SVOPL: variants seen among roughly 807,000 people sequenced by gnomAD.
SVOPL encodes the protein putative transporter SVOPL.
In SVOPL, 60 loss-of-function variants were observed where a neutral mutation model predicts 61.0. The observed-to-expected ratio is 0.98, with a 90% confidence interval of 0.80 to 1.22. SVOPL has a LOEUF of 1.22. Among genes scored for constraint, SVOPL ranks in the 50% most tolerant of loss-of-function variants. The pLI is 0.00. For synonymous variants in SVOPL, 279 were observed against 250.0 expected, an observed-to-expected ratio of 1.12 and a Z score of -1.09; for missense variants, 662 against 643.9, an observed-to-expected ratio of 1.03 and a Z score of -0.30.
At chr7:138,611,919 G>A (rs1219990333) in intron 14 of SVOPL, among the ~76,000 whole-genome samples, 11 of 17,276 alleles carry the variant, frequency 6.4e-4, no homozygotes, top group East Asian at 2.6e-3. Context: ...TTGAGAACGG[G>A]CCAGGATGAC....
intron 13 of SVOPL, among the ~76,000 whole-genome samples, chr7:138,621,424 G>T (rs1456748159): frequency 6.6e-6 from 1 of 152,194 alleles, no homozygotes; most frequent in Non-Finnish European, 1.5e-5. Context: ...TCTGGAATCA[G>T]AGAGAAGAGT....
At chr7:138,662,861 A>T in intron 5 of SVOPL, 2 of 1,418,100 alleles carry the variant, frequency 1.4e-6, no homozygotes, top group Non-Finnish European at 1.8e-6. Context: ...TTTACTCCAC[A>T]CCTGGACTGC....
intron 4 of SVOPL, among the ~76,000 whole-genome samples, chr7:138,667,106 G>A (rs1481086570): frequency 2.0e-5 from 3 of 152,156 alleles, no homozygotes; most frequent in Admixed American, 6.5e-5. Flanking sequence ...TTTAATGAGG[G>A]AGATGGAACT....
At chr7:138,663,197 CT>C (rs1802078342) in intron 4 of SVOPL, 52 bp from the exon 5 acceptor site, 2 of 1,586,638 alleles carry the variant, frequency 1.3e-6, no homozygotes, top group Non-Finnish European at 1.7e-6. Flanking sequence ...TTACATGTTA[CT>C]TTACCCCGTT....
At chr7:138,600,829 G>A (rs1798485544) in intron 14 of SVOPL, among the ~76,000 whole-genome samples, 1 of 152,058 alleles carries the variant, frequency 6.6e-6, no homozygotes, top group Non-Finnish European at 1.5e-5. Flanking sequence ...GATAAGCTTT[G>A]GCGAGAATGT....
At chr7:138,599,443 C>G (rs1433526587) in intron 14 of SVOPL, among the ~76,000 whole-genome samples, 1 of 152,102 alleles carries the variant, frequency 6.6e-6, no homozygotes, top group South Asian at 2.1e-4. Context: ...TTTATTATAA[C>G]AGGGAAATGT....
At chr7:138,660,466 C>T (rs1014683781) in intron 5 of SVOPL, 1 of 986,892 alleles carries the variant, frequency 1.0e-6, no homozygotes, top group African/African-American at 1.7e-5. Context: ...GAAGATAACT[C>T]TTAACACTGT....
chr7:138,663,594 A>C (rs1204811930), intron 4 of SVOPL: 2 of 989,830 alleles, frequency 2.0e-6, no homozygotes, highest in African/African-American at 3.5e-5. Context: ...AAAACTCTTC[A>C]GAACATTCAT....
intron 11 of SVOPL, among the ~76,000 whole-genome samples, 173 bp downstream of exon 11, chr7:138,627,985 A>G (rs990609466): frequency 1.3e-5 from 2 of 152,226 alleles, no homozygotes; most frequent in African/African-American, 4.8e-5. Context: ...CTACTCCTCC[A>G]GACCTCTCTT....
chr7:138,651,917 C>T lies in SVOPL; in HGVS notation c.535-2780G>A, dbSNP rs372222518. Among the ~76,000 whole-genome samples the T allele has an allele frequency of 5.9e-5, 9 of 152,164 alleles. No individual in the cohort carries two copies. In the East Asian group the frequency reaches 7.7e-4, roughly 13 times the overall value. On this transcript the variant is annotated intron_variant, in intron 7 of 15. Coordinates refer to ENST00000674285, the MANE Select transcript of SVOPL (RefSeq NM_001139456.2). The stretch of plus-strand genomic sequence containing the variant: ...AAGTTGCGCATCTTTCTTTCTTTAC[C>T]GAGACAGGGTCTCGCTCTGTTGCCC...
intron 4 of SVOPL, among the ~76,000 whole-genome samples, chr7:138,666,529 T>A (rs1269764412): frequency 2.0e-5 from 3 of 152,210 alleles, no homozygotes; most frequent in African/African-American, 4.8e-5. Flanking sequence ...CTGGCAGACA[T>A]GGCAGATTTC....
chr7:138,638,267 C>T (rs1479933530), intron 9 of SVOPL, among the ~76,000 whole-genome samples: 2 of 72,950 alleles, frequency 2.7e-5, no homozygotes, highest in African/African-American at 1.1e-4. Context: ...ATTGAGACTC[C>T]ACCTCAAAAA....
At chr7:138,671,100 G>A (rs964325897) in intron 4 of SVOPL, among the ~76,000 whole-genome samples, 1 of 152,190 alleles carries the variant, frequency 6.6e-6, no homozygotes. Context: ...TGCATGGAGG[G>A]TTTATATGTG....
In SVOPL at chr7:138,656,408, T is replaced by C. The variant is rs762226671; in HGVS notation, c.534+40A>G. The C allele has an allele frequency of 7.5e-6, 12 of 1,601,172 alleles. No homozygotes were observed. The Admixed American group carries it at 8.4e-5, about 11-fold the overall frequency. On this transcript the variant is annotated intron_variant, in intron 7 of 15. Transcript: ENST00000674285. Reference sequence around the variant, plus strand: ...ATGCCTATATGTACATCTTATCCCATAGGATGCCAAAGGCAGGTAGAACTC... The same window carrying C: ...ATGCCTATATGTACATCTTATCCCACAGGATGCCAAAGGCAGGTAGAACTC...
chr7:138,667,085 A>C (rs1369920778), intron 4 of SVOPL, among the ~76,000 whole-genome samples: 2 of 152,230 alleles, frequency 1.3e-5, no homozygotes, highest in Non-Finnish European at 2.9e-5. Context: ...TCCAAAGTTA[A>C]TAAGAGGAGT....
chr7:138,660,000 G>A lies in SVOPL; in HGVS notation c.346-12C>T, dbSNP rs1411805124. ...GAGATGAGCAGAATCTGAAGCAACA[G>A]CAGAACACATGAATGGGACCTGCCT... On this transcript the variant is annotated splice_polypyrimidine_tract_variant and intron_variant, in intron 5 of 15. Coordinates refer to ENST00000674285, the MANE Select transcript of SVOPL (RefSeq NM_001139456.2). 1.3e-6 allele frequency: 2 copies of A among 1,551,412 alleles called. No homozygotes were observed. The highest frequency in any genetic ancestry group is 1.7e-6 in the Non-Finnish European group (2 of 1,146,878).
intron 1 of SVOPL, among the ~76,000 whole-genome samples, chr7:138,690,596 A>C (rs969402259): frequency 1.3e-5 from 2 of 152,210 alleles, no homozygotes; most frequent in African/African-American, 4.8e-5. Flanking sequence ...GTGAAAATTC[A>C]CAGAGACAGA....
chr7:138,657,356 G>C (rs1801797880), intron 6 of SVOPL, among the ~76,000 whole-genome samples: 1 of 151,880 alleles, frequency 6.6e-6, no homozygotes, highest in African/African-American at 2.4e-5. Flanking sequence ...GGACCTTGCT[G>C]CATTGCCAAT....
chr7:138,631,748 T>C (rs1368610138), intron 9 of SVOPL, among the ~76,000 whole-genome samples: 1 of 152,032 alleles, frequency 6.6e-6, no homozygotes, highest in Non-Finnish European at 1.5e-5. Flanking sequence ...TTTGTAATTT[T>C]AGTAGAGACG....
Sources: gnomAD v4.1 joint callset for allele counts (sites outside exome capture counted in the v4.1 genomes callset) on GRCh38, gnomAD v4.1.1 for gene constraint, MANE v1.5 for transcripts, NCBI Gene and HGNC (gene_info 2026-07-23, HGNC 2026-07-21) for gene names.